Variants in ST6GALNAC1 observed in about 807,000 individuals in gnomAD.
ST6GALNAC1 encodes alpha-N-acetylgalactosaminide alpha-2,6-sialyltransferase 1.
In ST6GALNAC1, 45 loss-of-function variants were observed where a neutral mutation model predicts 56.8. The ratio of observed to expected loss-of-function variants is 0.79; its 90% CI spans 0.62 to 1.02. The LOEUF (loss-of-function observed/expected upper bound fraction) is 1.02, where lower values mean the gene tolerates loss of function less well. Ranked by LOEUF, ST6GALNAC1 falls within the 50% of genes least tolerant of loss-of-function variation. The pLI, the probability that ST6GALNAC1 is intolerant of heterozygous loss-of-function variation, is 0.00. For missense variants in ST6GALNAC1, 743 were observed against 754.8 expected (o/e 0.98, Z 0.18); for synonymous variants, 295 against 297.8 (o/e 0.99, Z 0.10).
intron 1 of ST6GALNAC1, among the ~76,000 whole-genome samples, chr17:76,631,405 G>A (rs1404482098): frequency 6.6e-6 from 1 of 152,096 alleles, no homozygotes; most frequent in East Asian, 1.9e-4. Flanking sequence ...AAAGGCTAAT[G>A]GGCTTCAAAC....
Position 76,627,734 on chromosome 17 carries a change from C to A in ST6GALNAC1, c.832-151G>T. 1 of 701,326 alleles carries A rather than the reference C, an allele frequency of 1.4e-6. No homozygotes were observed. The highest frequency in any genetic ancestry group is 1.8e-5 in the African/African-American group (1 of 56,028). 43.4% of individuals were successfully genotyped at this position (701,326 alleles called of 1,614,324 possible). On this transcript the variant is annotated intron_variant, in intron 2 of 8. Coordinates refer to ENST00000156626, the MANE Select transcript of ST6GALNAC1 (RefSeq NM_018414.5). This position sits in a 1 kb window ranked among gnomAD's most constrained non-coding sequence, Gnocchi z 4.4. ...TCTGTTCTCAGGGTCTGCTTACCCT[C>A]CCCTTCCCATTGTCTGGGCTCATTG...
chr17:76,642,249 A>ATCTATCTATCTATCTATCATCTG (rs2076059611), intron 1 of ST6GALNAC1, among the ~76,000 whole-genome samples: 1 of 149,102 alleles, frequency 6.7e-6, no homozygotes, highest in African/African-American at 2.5e-5. Context: ...TCTATCATCT[A>ATCTATCTATCTATCTATCATCTG]TCTATCGGGC....
chr17:76,641,115 G>C (rs114054312), intron 1 of ST6GALNAC1, among the ~76,000 whole-genome samples: 4,129 of 152,210 alleles, frequency 0.027, 194 homozygotes, highest in African/African-American at 0.094. Flanking sequence ...ATTTTTCCTT[G>C]AAAAGTAAGA....
At chr17:76,637,272 T>TAAA (rs771644279) in intron 1 of ST6GALNAC1, among the ~76,000 whole-genome samples, 69 of 18,164 alleles carry the variant, frequency 3.8e-3, no homozygotes, top group South Asian at 4.3e-3. Flanking sequence ...CAATAAATAC[T>TAAA]AAAAAAAAAA....
At chr17:76,620,109 T>C (rs141568024), downstream of ST6GALNAC1, among the ~76,000 whole-genome samples, 700 of 152,154 alleles carry the variant, frequency 4.6e-3, 9 homozygotes, top group African/African-American at 0.016. Flanking sequence ...GGTGCGATCT[T>C]GGCTCATTGC....
the ST6GALNAC1 span, among the ~76,000 whole-genome samples, chr17:76,617,986 A>G: frequency 2.0e-5 from 3 of 152,206 alleles, no homozygotes; most frequent in Non-Finnish European, 2.9e-5. Flanking sequence ...CTGCTGAGGC[A>G]AGACTGGGAT....
the ST6GALNAC1 span, among the ~76,000 whole-genome samples, chr17:76,619,147 C>T: frequency 0.45 from 68,496 of 151,866 alleles, 16,364 homozygotes; most frequent in Non-Finnish European, 0.54. Context: ...TCTTTAAGCA[C>T]GTCCTTACTT....
intron 1 of ST6GALNAC1, among the ~76,000 whole-genome samples, chr17:76,635,310 C>T (rs933632169): frequency 6.6e-6 from 1 of 152,190 alleles, no homozygotes; most frequent in Admixed American, 6.5e-5. Context: ...TCAGAGATGC[C>T]CTTCGCCTAG....
chr17:76,629,710 G>A lies in ST6GALNAC1; in HGVS notation c.133C>T (p.His45Tyr). The change falls in exon 2 of 9, where the codon CAT becomes TAT. Residue 45 changes from histidine to tyrosine, a missense_variant and splice_region_variant. By Grantham distance (83) the His-to-Tyr change is moderately conservative. Transcript: ENST00000156626. ...TCTTTAATGTTCTCTGTGCGTTGAT[G>A]CCTAGGGACAGAGATAACCTTTGAT... ...IKEPQTKPSRHQRTENIKERS... is the reference protein window; with the variant it reads ...IKEPQTKPSRYQRTENIKERS... The A allele has an allele frequency of 6.2e-7, 1 of 1,610,308 alleles. No homozygotes were observed. Among genetic ancestry groups the A allele is most frequent in the Non-Finnish European group, 8.5e-7 (1 of 1,177,478 alleles).
intron 1 of ST6GALNAC1, among the ~76,000 whole-genome samples, chr17:76,638,154 G>A (rs547451433): frequency 2.9e-5 from 4 of 139,330 alleles, no homozygotes; most frequent in South Asian, 4.4e-4. Flanking sequence ...GAATTTGCAC[G>A]TCATCCTTGT....
chr17:76,635,242 T>G (rs1346752015), intron 1 of ST6GALNAC1, among the ~76,000 whole-genome samples: 1 of 152,200 alleles, frequency 6.6e-6, no homozygotes, highest in Admixed American at 6.5e-5. Flanking sequence ...CTCATCATAC[T>G]TCAGTGGCTG....
intron 1 of ST6GALNAC1, among the ~76,000 whole-genome samples, chr17:76,634,761 G>A (rs2075955800): frequency 6.6e-6 from 1 of 152,152 alleles, no homozygotes; most frequent in South Asian, 2.1e-4. Flanking sequence ...GTGCATGCCT[G>A]TAATCCCAGC....
At chr17:76,619,460 A>G in the ST6GALNAC1 span, among the ~76,000 whole-genome samples, 1 of 152,152 alleles carries the variant, frequency 6.6e-6, no homozygotes, top group African/African-American at 2.4e-5. Context: ...CCAACACCAG[A>G]GGGTTCATTG....
At position 76,625,320 on chromosome 17, in the gene ST6GALNAC1, C is replaced by T. The variant is rs745428528; in HGVS notation, c.*10G>A. On this transcript the variant is annotated 3_prime_UTR_variant, in exon 9 of 9. Transcript: ENST00000156626. Reference sequence around the variant, plus strand: ...AGCAGGCAAGGAGACCATGGCAGCCCTGGCCCCGGTCAGTTCTTGGCTTTG... The same window carrying T: ...AGCAGGCAAGGAGACCATGGCAGCCTTGGCCCCGGTCAGTTCTTGGCTTTG... 6.2e-7 allele frequency: 1 copy of T among 1,611,510 alleles called. No homozygotes were observed. Among genetic ancestry groups the T allele is most frequent in the South Asian group, 1.1e-5 (1 of 90,716 alleles).
Position 76,625,175 on chromosome 17 carries a change from G to C in ST6GALNAC1, c.*155C>G. On this transcript the variant is annotated 3_prime_UTR_variant, in exon 9 of 9. Coordinates refer to ENST00000156626, the MANE Select transcript of ST6GALNAC1 (RefSeq NM_018414.5). ...ACCTCAATTAGCCATTTGCCATCTT[G>C]AGAGAGTCTTGTCCATGGTTCAAGT... The C allele has an allele frequency of 1.3e-6, 1 of 750,902 alleles. No individual in the cohort carries two copies. The highest frequency in any genetic ancestry group is 1.9e-5 in the South Asian group (1 of 53,120). The allele number at this position is 750,902 out of a possible 1,614,324, so 46.5% of individuals were successfully genotyped here.
chr17:76,633,079 C>T (rs545453066), intron 1 of ST6GALNAC1, among the ~76,000 whole-genome samples: 34 of 152,074 alleles, frequency 2.2e-4, no homozygotes, highest in East Asian at 9.7e-4. Context: ...TGTGTTGGCA[C>T]GCACCTGTAA....
rs2075864779 is a variant in ST6GALNAC1 at position 76,629,675 on chromosome 17, T to C, written c.168A>G (p.Leu56=). Residue 56 remains leucine (L), a synonymous_variant, in exon 2 of 9, where the codon CTA becomes CTG. Transcript: ENST00000156626. ...QRTENIKERS[L]QSLAKPKSQA... ...GGGACTTAGGCTTTGCCAGGGACTG[T>C]AGAGACCTTTCTTTAATGTTCTCTG... 6.2e-7 allele frequency: 1 copy of C among 1,614,062 alleles called. No homozygotes were observed. The highest frequency in any genetic ancestry group is 1.3e-5 in the African/African-American group (1 of 75,014).
chr17:76,629,636 C>T lies in ST6GALNAC1; in HGVS notation c.207G>A (p.Arg69=), dbSNP rs765487424. ...CTGCATAGATGGTTGTCCTCCTTGC[C>T]CTTGTGGGTGCCTGGGACTTAGGCT... The part of the protein sequence containing the change: ...LAKPKSQAPT[R]ARRTTIYAEP... Residue 69 remains arginine (R), a synonymous_variant, in exon 2 of 9, where the codon AGG becomes AGA. Transcript: ENST00000156626. The T allele has an allele frequency of 4.3e-6, 7 of 1,613,674 alleles. No homozygotes were observed. The highest frequency in any genetic ancestry group is 1.3e-5 in the African/African-American group (1 of 74,934).
In ST6GALNAC1 at chr17:76,626,677, C is replaced by T; in HGVS notation, c.1285G>A (p.Gly429Ser). The T allele has an allele frequency of 6.2e-7, 1 of 1,614,190 alleles. No homozygotes were observed. Among genetic ancestry groups the T allele is most frequent in the South Asian group, 1.1e-5 (1 of 91,078 alleles). The change falls in exon 5 of 9, where the codon GGT becomes AGT. Residue 429 changes from glycine to serine, a missense_variant. Transcript: ENST00000156626. ...TTCCCAAGAGGCACGTTCTTGAAAC[C>T]CCGATTGCCCAATATAAGGAGTGAC... is the stretch of plus-strand genomic sequence containing the variant. ...TQSLLILGNRGFKNVPLGKDV... is the reference protein window; with the variant it reads ...TQSLLILGNRSFKNVPLGKDV...
Sources: gnomAD v4.1 joint callset for allele counts (sites outside exome capture counted in the v4.1 genomes callset) on GRCh38, gnomAD v4.1.1 for gene constraint, Gnocchi (gnomAD v3.1) non-coding constraint, MANE v1.5 for transcripts, NCBI Gene and HGNC (gene_info 2026-07-23, HGNC 2026-07-21) for gene names.